The following LONRF2 variants were observed in gnomAD, a reference collection of about 807,000 sequenced individuals.
LONRF2 encodes the protein LON peptidase N-terminal domain and RING finger protein 2.
LONRF2 carries 35 observed loss-of-function variants against 66.6 expected under a neutral mutation model. The ratio of observed to expected loss-of-function variants is 0.53; its 90% CI spans 0.40 to 0.70. The LOEUF (loss-of-function observed/expected upper bound fraction) is 0.70, where lower values mean the gene tolerates loss of function less well. LONRF2 is among the 30% of genes least tolerant of loss of function. The pLI, the probability that LONRF2 is intolerant of heterozygous loss-of-function variation, is 0.00. For synonymous variants in LONRF2, 417 were observed against 418.1 expected, an observed-to-expected ratio of 1.00 and a Z score of 0.03; for missense variants, 902 against 1,002.1, an observed-to-expected ratio of 0.90 and a Z score of 1.35.
intron 3 of LONRF2, among the ~76,000 whole-genome samples, chr2:100,301,045 T>C (rs1030195689): frequency 1.3e-5 from 2 of 152,166 alleles, no homozygotes; most frequent in African/African-American, 4.8e-5. Flanking sequence ...TCCTTCTACC[T>C]GGTCCTTACA....
chr2:100,300,019 A>AGG (rs33984834), intron 4 of LONRF2, 101 bp from the exon 5 acceptor site: 86,070 of 386,684 alleles, frequency 0.22, 14,954 homozygotes, highest in Non-Finnish European at 0.23. Context: ...GGAAAAAAAA[A>AGG]GGGGGGGGCA....
intron 4 of LONRF2, 82 bp downstream of exon 4, chr2:100,300,562 G>T: frequency 7.4e-7 from 1 of 1,350,780 alleles, no homozygotes; most frequent in Non-Finnish European, 1.0e-6. Flanking sequence ...CATAATGTGT[G>T]AATAATCTGT....
chr2:100,308,097 T>C (rs1967341), intron 2 of LONRF2, among the ~76,000 whole-genome samples: 77,226 of 151,884 alleles, frequency 0.51, 19,977 homozygotes, highest in East Asian at 0.76. Context: ...AGGCCGGGCG[T>C]GGTGGCTCAC....
At chr2:100,315,411 C>T (rs1343397058) in intron 1 of LONRF2, among the ~76,000 whole-genome samples, 1 of 152,002 alleles carries the variant, frequency 6.6e-6, no homozygotes, top group East Asian at 1.9e-4. Context: ...TTTGTTTTAT[C>T]TTTTATTTTT....
intron 8 of LONRF2, 101 bp downstream of exon 8, chr2:100,295,331 C>T: frequency 8.7e-7 from 1 of 1,153,082 alleles, no homozygotes; most frequent in Non-Finnish European, 1.2e-6. Flanking sequence ...ATTTACAGAC[C>T]AAGAGAGTTC....
Position 100,319,041 on chromosome 2 carries a change from A to G in LONRF2, c.679+2374T>C, listed in dbSNP as rs567213311. Reference sequence around the variant, plus strand: ...GCTACTTGGGAGGCTGAGGCAGGAGAATTGCTTGAACCAGGGAGTCGGAGG... The same window carrying G: ...GCTACTTGGGAGGCTGAGGCAGGAGGATTGCTTGAACCAGGGAGTCGGAGG... On this transcript the variant is annotated intron_variant, in intron 1 of 11. Coordinates refer to ENST00000393437, the MANE Select transcript of LONRF2 (RefSeq NM_198461.4). Among the ~76,000 whole-genome samples the G allele has an allele frequency of 1.6e-4, 24 of 151,674 alleles. No homozygotes were observed. In the South Asian group the frequency reaches 4.8e-3, roughly 30 times the overall value.
In LONRF2 at chr2:100,274,727, C is replaced by T; in HGVS notation, c.*9571G>A. 6.5e-6 allele frequency: 1 copy of T among 152,766 alleles called. No individual in the cohort carries two copies. Among genetic ancestry groups the T allele is most frequent in the Non-Finnish European group, 1.5e-5 (1 of 68,356 alleles). The allele number at this position is 152,766 out of a possible 1,614,324, so 9.5% of individuals were successfully genotyped here. On this transcript the variant is annotated 3_prime_UTR_variant, in exon 12 of 12. Coordinates refer to ENST00000393437, the MANE Select transcript of LONRF2 (RefSeq NM_198461.4). The stretch of plus-strand genomic sequence containing the variant: ...CTACTGCCCAAGACATTCAAACCTG[C>T]CAATCCTACACTCTGCCCCCGCCCA...
chr2:100,284,567 C>G, intron 11 of LONRF2, 75 bp from the exon 12 acceptor site: 1 of 1,220,952 alleles, frequency 8.2e-7, no homozygotes, highest in Non-Finnish European at 1.1e-6. Context: ...TCTTTTGCTC[C>G]ACCAACAGAC....
At chr2:100,315,381 TC>T (rs1455682156) in intron 1 of LONRF2, among the ~76,000 whole-genome samples, 1 of 152,218 alleles carries the variant, frequency 6.6e-6, no homozygotes, top group East Asian at 1.9e-4. Context: ...TGCCAGGTCA[TC>T]TACAAATAAT....
intron 2 of LONRF2, 22 bp from the exon 3 acceptor site, chr2:100,303,065 T>C: frequency 6.4e-7 from 1 of 1,558,832 alleles, no homozygotes; most frequent in African/African-American, 1.4e-5. Context: ...GAAGACAAAG[T>C]GTACATTTTT....
intron 1 of LONRF2, 69 bp from the exon 2 acceptor site, chr2:100,309,294 T>C (rs890047406): frequency 1.1e-6 from 1 of 910,692 alleles, no homozygotes; most frequent in African/African-American, 1.7e-5. Context: ...TTAATGTCAT[T>C]ACATATATTA....
At chr2:100,291,118 A>G (rs1253190949) in intron 9 of LONRF2, among the ~76,000 whole-genome samples, 2 of 152,236 alleles carry the variant, frequency 1.3e-5, no homozygotes, top group African/African-American at 4.8e-5. Flanking sequence ...AAGATCCCAC[A>G]GGGAGAGAGT....
At chr2:100,316,776 A>G (rs1675517145) in intron 1 of LONRF2, among the ~76,000 whole-genome samples, 2 of 152,180 alleles carry the variant, frequency 1.3e-5, no homozygotes, top group Admixed American at 1.3e-4. Context: ...TCAGTTACTA[A>G]AAGTTTTGTT....
At chr2:100,319,038 G>A (rs374689938) in intron 1 of LONRF2, among the ~76,000 whole-genome samples, 21 of 151,472 alleles carry the variant, frequency 1.4e-4, no homozygotes, top group East Asian at 5.9e-4. Context: ...GCTGAGGCAG[G>A]AGAATTGCTT....
At chr2:100,284,573 C>A in intron 11 of LONRF2, 81 bp from the exon 12 acceptor site, 1 of 1,192,074 alleles carries the variant, frequency 8.4e-7, no homozygotes, top group Non-Finnish European at 1.1e-6. Flanking sequence ...GCTCCACCAA[C>A]AGACACGTGA....
intron 10 of LONRF2, 113 bp from the exon 11 acceptor site, chr2:100,287,176 A>C: frequency 9.7e-7 from 1 of 1,026,802 alleles, no homozygotes; most frequent in Non-Finnish European, 1.3e-6. Context: ...CATTTTAATA[A>C]TTCATCAGTT....
At chr2:100,288,433 G>A (rs1244296703) in intron 10 of LONRF2, among the ~76,000 whole-genome samples, 1 of 152,082 alleles carries the variant, frequency 6.6e-6, no homozygotes, top group East Asian at 1.9e-4. Context: ...TTTAAAAGAG[G>A]GATACAATAA....
intron 1 of LONRF2, among the ~76,000 whole-genome samples, chr2:100,320,820 T>G (rs1675605621): frequency 6.6e-6 from 1 of 151,984 alleles, no homozygotes; most frequent in Admixed American, 6.5e-5. Flanking sequence ...CTCAGATAAA[T>G]AAGGAAATGA....
chr2:100,294,895 T>C (rs938958694), intron 8 of LONRF2, among the ~76,000 whole-genome samples: 2 of 152,150 alleles, frequency 1.3e-5, no homozygotes, highest in Non-Finnish European at 2.9e-5. Flanking sequence ...TAAAAATTTT[T>C]TGAGGTAAAA....
Sources: gnomAD v4.1 joint callset for allele counts (sites outside exome capture counted in the v4.1 genomes callset) on GRCh38, gnomAD v4.1.1 for gene constraint, MANE v1.5 for transcripts, NCBI Gene and HGNC (gene_info 2026-07-23, HGNC 2026-07-21) for gene names.